Variants in ANGPT2 observed in about 807,000 individuals in gnomAD.
ANGPT2 encodes the protein angiopoietin 2, also known as angiopoietin-2.
A neutral mutation model predicts 62.9 loss-of-function variants in ANGPT2; 28 were observed. The ratio of observed to expected loss-of-function variants is 0.44; its 90% CI spans 0.33 to 0.61. The LOEUF (loss-of-function observed/expected upper bound fraction) is 0.61, where lower values mean the gene tolerates loss of function less well. Among genes scored for constraint, ANGPT2 ranks in the 20% least tolerant of loss-of-function variants. The pLI is 0.03. For missense variants in ANGPT2, 727 were observed against 594.9 expected, an observed-to-expected ratio of 1.22 and a Z score of -2.31; for synonymous variants, 284 against 207.8, an observed-to-expected ratio of 1.37 and a Z score of -3.15.
At position 6,510,238 on chromosome 8, in the gene ANGPT2, A is replaced by G. The variant is rs533449692; in HGVS notation, c.1197-1176T>C. On this transcript the variant is annotated intron_variant, in intron 7 of 8. Transcript: ENST00000629816. ...CTTCTTGGCAGATGGTTCAGGACAG[A>G]TCAGAGCAGGCATTCACGTAATGGG... 4.6e-5 allele frequency among the ~76,000 whole-genome samples: 7 copies of G among 151,722 alleles called. No homozygotes were observed. The South Asian group carries it at 1.5e-3, about 32-fold the overall frequency.
At chr8:6,558,184 G>A (rs1000633993) in intron 1 of ANGPT2, among the ~76,000 whole-genome samples, 2 of 152,120 alleles carry the variant, frequency 1.3e-5, no homozygotes, top group Non-Finnish European at 1.5e-5. Flanking sequence ...AAGAAGGAAC[G>A]CTGTACATTT....
chr8:6,562,628 A>G lies in ANGPT2; in HGVS notation c.288+19T>C, dbSNP rs761147808. ...ATCTTAATAGCATGTTCACAAAGACAGATGGATTTTTTTCCTACCTTCATT... is the reference window on the plus strand; with the variant it reads ...ATCTTAATAGCATGTTCACAAAGACGGATGGATTTTTTTCCTACCTTCATT... On this transcript the variant is annotated intron_variant, in intron 1 of 8. Coordinates refer to ENST00000629816, the MANE Select transcript of ANGPT2 (RefSeq NM_001118887.2). 1.4e-6 allele frequency: 2 copies of G among 1,387,108 alleles called. No individual in the cohort carries two copies. The highest frequency in any genetic ancestry group is 3.9e-5 in the Admixed American group (2 of 50,988). The allele number at this position is 1,387,108 out of a possible 1,614,324, so 85.9% of individuals were successfully genotyped here.
In ANGPT2 at chr8:6,502,865, A is replaced by T; in HGVS notation, c.*236T>A. 2.0e-6 allele frequency: 1 copy of T among 499,712 alleles called. No individual in the cohort carries two copies. Among genetic ancestry groups the T allele is most frequent in the Admixed American group, 3.6e-5 (1 of 27,688 alleles). 31.0% of individuals were successfully genotyped at this position (499,712 alleles called of 1,614,324 possible). On this transcript the variant is annotated 3_prime_UTR_variant, in exon 9 of 9. Transcript: ENST00000629816. ...CTCAGCCTCGGGTTCATCTTTGCAT[A>T]GGTGTTCTGTCTAATCACAATTATG...
intron 1 of ANGPT2, among the ~76,000 whole-genome samples, chr8:6,559,430 A>G (rs553000270): frequency 6.6e-6 from 1 of 152,302 alleles, no homozygotes; most frequent in South Asian, 2.1e-4. Flanking sequence ...AAGATACACT[A>G]TTATTACTTT....
chr8:6,521,000 A>T lies in ANGPT2; in HGVS notation c.799+178T>A, dbSNP rs1448966001. On this transcript the variant is annotated intron_variant, in intron 4 of 8. Transcript: ENST00000629816. ...GTATGCTTGGGGTGTTTGCTTCATA[A>T]TAATTAGTATAACATATATTTCCCC... 8.5e-5 allele frequency among the ~76,000 whole-genome samples: 13 copies of T among 152,142 alleles called. No homozygotes were observed. In the South Asian group the frequency reaches 1.0e-3, roughly 12 times the overall value.
chr8:6,561,226 C>T (rs920589326), intron 1 of ANGPT2, among the ~76,000 whole-genome samples: 3 of 152,180 alleles, frequency 2.0e-5, no homozygotes, highest in Admixed American at 2.0e-4. Flanking sequence ...GGGAAACTTA[C>T]TGGAGCGCTT....
rs1812546899 is a variant in ANGPT2, at chr8:6,503,197, G to A, written c.1392C>T (p.Asn464=). 6.2e-7 allele frequency: 1 copy of A among 1,614,146 alleles called. No homozygotes were observed. The highest frequency in any genetic ancestry group is 8.5e-7 in the Non-Finnish European group (1 of 1,180,032). Residue 464 remains asparagine (N), a synonymous_variant, in exon 9 of 9, where the codon AAC becomes AAT. Coordinates refer to ENST00000629816, the MANE Select transcript of ANGPT2 (RefSeq NM_001118887.2). ...LNGMYYPQRQ[N]TNKFNGIKWY... is the part of the protein sequence containing the mutation. ...ATTTAATGCCGTTGAACTTATTTGT[G>A]TTCTGCCTCTGTGGATAGTACATTC...
chr8:6,543,811 T>G (rs1822044209), intron 1 of ANGPT2, among the ~76,000 whole-genome samples: 1 of 152,208 alleles, frequency 6.6e-6, no homozygotes, highest in Admixed American at 6.5e-5. Flanking sequence ...ATTTTCATAT[T>G]TATTTACATA....
At chr8:6,544,586 T>C (rs1822202133) in intron 1 of ANGPT2, among the ~76,000 whole-genome samples, 1 of 152,148 alleles carries the variant, frequency 6.6e-6, no homozygotes, top group South Asian at 2.1e-4. Context: ...ATTCATGTAT[T>C]GGAGGGGGAG....
In ANGPT2 at chr8:6,499,734, A is replaced by G. The variant is rs1461283573; in HGVS notation, c.*3367T>C. ...AAGGGACTTTGTTGTCTGAGAACAC[A>G]TCTATTTCAGATCTGCGGAGTGTAT... On this transcript the variant is annotated 3_prime_UTR_variant, in exon 9 of 9. Transcript: ENST00000629816. 2 of 819,090 alleles carry G rather than the reference A, an allele frequency of 2.4e-6. No homozygotes were observed. The highest frequency in any genetic ancestry group is 2.4e-5 in the East Asian group (1 of 40,966). The allele number at this position is 819,090 out of a possible 1,614,324, so 50.7% of individuals were successfully genotyped here.
chr8:6,512,189 G>T (rs1222372493), intron 7 of ANGPT2, among the ~76,000 whole-genome samples: 1 of 152,118 alleles, frequency 6.6e-6, no homozygotes, highest in African/African-American at 2.4e-5. Context: ...TCTCAAACAT[G>T]CTTCTGAATT....
At chr8:6,557,762 A>G (rs868263530) in intron 1 of ANGPT2, among the ~76,000 whole-genome samples, 1 of 151,944 alleles carries the variant, frequency 6.6e-6, no homozygotes, top group Non-Finnish European at 1.5e-5. Context: ...CTGACTTGCC[A>G]TTAAGTACCG....
chr8:6,523,744 C>T (rs926063052), intron 3 of ANGPT2, among the ~76,000 whole-genome samples: 13 of 152,136 alleles, frequency 8.5e-5, no homozygotes, highest in African/African-American at 1.4e-4. Context: ...TGTGCCACCA[C>T]GCCCAGCTAA....
intron 5 of ANGPT2, among the ~76,000 whole-genome samples, chr8:6,517,860 G>C (rs2442625): frequency 0.061 from 9,227 of 152,258 alleles, 312 homozygotes; most frequent in African/African-American, 0.079. Flanking sequence ...CTTAAGTCTG[G>C]AAGGGAATTT....
intron 1 of ANGPT2, among the ~76,000 whole-genome samples, chr8:6,538,133 A>G (rs1359765837): frequency 6.6e-6 from 1 of 151,824 alleles, no homozygotes; most frequent in African/African-American, 2.4e-5. Flanking sequence ...TGATCCATCC[A>G]TCTTCCCACC....
At chr8:6,516,091 A>G (rs1816216294) in intron 5 of ANGPT2, among the ~76,000 whole-genome samples, 1 of 152,144 alleles carries the variant, frequency 6.6e-6, no homozygotes, top group Non-Finnish European at 1.5e-5. Context: ...CCCCAGTGGC[A>G]CTCATGTTTG....
intron 2 of ANGPT2, 24 bp from the exon 3 acceptor site, chr8:6,527,700 C>T (rs746579108): frequency 6.7e-5 from 106 of 1,571,038 alleles, no homozygotes; most frequent in African/African-American, 9.6e-5. Flanking sequence ...AATGAAGTTC[C>T]TATTAATTAT....
At chr8:6,519,762 T>G in intron 5 of ANGPT2, 102 bp downstream of exon 5, 1 of 1,450,842 alleles carries the variant, frequency 6.9e-7, no homozygotes, top group Non-Finnish European at 9.4e-7. Context: ...TGTGTGAGGC[T>G]GGGGAAGATC....
intron 5 of ANGPT2, among the ~76,000 whole-genome samples, chr8:6,515,618 C>T (rs1037094288): frequency 6.6e-6 from 1 of 152,104 alleles, no homozygotes; most frequent in East Asian, 1.9e-4. Context: ...AAATTAAAAA[C>T]CCCTGAAAAT....
Sources: allele counts gnomAD v4.1 joint callset (sites outside exome capture counted in the v4.1 genomes callset), GRCh38; gene constraint gnomAD v4.1.1; transcripts MANE v1.5; gene names NCBI Gene and HGNC (gene_info 2026-07-23, HGNC 2026-07-21).